The following DNAH1 variants were observed in gnomAD, a reference collection of about 807,000 sequenced individuals.
DNAH1 encodes dynein axonemal heavy chain 1.
A neutral mutation model predicts 484.3 loss-of-function variants in DNAH1; 327 were observed. The ratio of observed to expected loss-of-function variants is 0.68; its 90% CI spans 0.62 to 0.74. The LOEUF (loss-of-function observed/expected upper bound fraction) is 0.74, where lower values mean the gene tolerates loss of function less well. Ranked by LOEUF, DNAH1 falls within the 30% of genes least tolerant of loss-of-function variation. DNAH1 has a pLI of 0.00. For missense variants in DNAH1, 5,052 were observed against 5,546.8 expected (o/e 0.91, Z 2.83); for synonymous variants, 2,192 against 2,191.9 (o/e 1.00, Z 0.00).
Position 52,358,111 on chromosome 3 carries a change from C to A in DNAH1, c.4086+108C>A. The A allele has an allele frequency of 1.1e-6, 1 of 886,520 alleles. No individual in the cohort carries two copies. The allele number at this position is 886,520 out of a possible 1,614,324, so 54.9% of individuals were successfully genotyped here. A position where few individuals can be genotyped will look rare whatever the true frequency, so the allele number is the denominator to read the frequency against. Reference sequence around the variant, plus strand: ...TTTTAGCAGGAAATGTGGCAAATGACATTCCTGGTCTTTGGAGACACACCT... The same window carrying A: ...TTTTAGCAGGAAATGTGGCAAATGAAATTCCTGGTCTTTGGAGACACACCT... On this transcript the variant is annotated intron_variant, in intron 24 of 77. Coordinates refer to ENST00000420323, the MANE Select transcript of DNAH1 (RefSeq NM_015512.5). This position sits in a 1 kb window ranked among gnomAD's most constrained non-coding sequence, Gnocchi z 4.2.
chr3:52,364,812 C>A lies in DNAH1; in HGVS notation c.5332-21C>A. 6.2e-7 allele frequency: 1 copy of A among 1,610,290 alleles called. No homozygotes were observed. Among genetic ancestry groups the A allele is most frequent in the Non-Finnish European group, 8.5e-7 (1 of 1,177,256 alleles). ...GGCAGCTGGCCCACTGCCCTGAAGGCTCAGCCGGCACCTGCTGCAGGAGCT... is the reference window on the plus strand; with the variant it reads ...GGCAGCTGGCCCACTGCCCTGAAGGATCAGCCGGCACCTGCTGCAGGAGCT... On this transcript the variant is annotated intron_variant, in intron 33 of 77. Transcript: ENST00000420323. The surrounding 1 kb of genome is among the most constrained non-coding windows in gnomAD (Gnocchi z 4.2).
chr3:52,392,562 G>A lies in DNAH1; in HGVS notation c.10151G>A (p.Arg3384His), dbSNP rs781434212. Residue 3384 changes from arginine (R) to histidine (H), a missense_variant, in exon 64 of 78, where the codon CGC becomes CAC. Physicochemically the swap from Arg to His is conservative, Grantham distance 29 (BLOSUM62 0). Coordinates refer to ENST00000420323, the MANE Select transcript of DNAH1 (RefSeq NM_015512.5). Reference sequence around the variant, plus strand: ...CTGATTATCAGTAATGCCAAGATGCGCCAGGAGCTGAAGGACATTGAGGAC... The same window carrying A: ...CTGATTATCAGTAATGCCAAGATGCACCAGGAGCTGAAGGACATTGAGGAC... Reference protein sequence around the residue: ...NQLIISNAKMRQELKDIEDQI... With the variant: ...NQLIISNAKMHQELKDIEDQI... 1.3e-5 allele frequency: 21 copies of A among 1,613,842 alleles called. No homozygotes were observed. The Middle Eastern group carries it at 4.9e-4, about 38-fold the overall frequency.
At chr3:52,385,893 C>T (rs1394109225) in intron 54 of DNAH1, among the ~76,000 whole-genome samples, 2 of 152,246 alleles carry the variant, frequency 1.3e-5, no homozygotes, top group Admixed American at 6.5e-5. Context: ...GGGTCTTTCT[C>T]TGTCTTGCAT....
chr3:52,398,209 T>C (rs758547418), intron 75 of DNAH1, 47 bp downstream of exon 75: 4 of 1,557,418 alleles, frequency 2.6e-6, no homozygotes, highest in Non-Finnish European at 3.5e-6. Context: ...GCCACTGGAC[T>C]GTAGAGAAAT....
intron 8 of DNAH1, among the ~76,000 whole-genome samples, chr3:52,343,714 G>C (rs1702031900): frequency 6.6e-6 from 1 of 152,172 alleles, no homozygotes; most frequent in Non-Finnish European, 1.5e-5. Context: ...TGGCAGAGGT[G>C]GGAGGGAGGG....
rs928053722 is a variant in DNAH1 at position 52,379,877 on chromosome 3, A to T, written c.7378-28A>T. The T allele has an allele frequency of 1.9e-6, 3 of 1,539,528 alleles. No individual in the cohort carries two copies. In the African/African-American group the frequency reaches 4.1e-5, roughly 21 times the overall value. ...ATAGCTGAGGGCTTGGGGGCCAAGG[A>T]CAGGCACCGATGCTGGGGCTACTGC... is the stretch of plus-strand genomic sequence containing the variant. On this transcript the variant is annotated intron_variant, in intron 47 of 77. Coordinates refer to ENST00000420323, the MANE Select transcript of DNAH1 (RefSeq NM_015512.5). The surrounding 1 kb of genome is among the most constrained non-coding windows in gnomAD (Gnocchi z 4.4).
At position 52,388,317 on chromosome 3, in the gene DNAH1, G is replaced by A; in HGVS notation, c.9154G>A (p.Ala3052Thr). Reference sequence around the variant, plus strand: ...GCACAAGTACCACTTTGTGGCCAAGGCCGTGGAGCCCAAGCGGGTGAGGGC... The same window carrying A: ...GCACAAGTACCACTTTGTGGCCAAGACCGTGGAGCCCAAGCGGGTGAGGGC... ...AMHKYHFVAK[A>T]VEPKRQALLE... The change falls in exon 57 of 78, where the codon GCC (alanine) becomes ACC (threonine). Residue 3052 changes from alanine (A) to threonine (T), a missense_variant. Around this residue, in one of 4 missense-constraint regions of DNAH1, gnomAD observed 2,929 missense variants for 3,409.4 expected, o/e 0.86. Coordinates refer to ENST00000420323, the MANE Select transcript of DNAH1 (RefSeq NM_015512.5). The A allele has an allele frequency of 6.2e-7, 1 of 1,602,406 alleles. No individual in the cohort carries two copies. Among genetic ancestry groups the A allele is most frequent in the South Asian group, 1.1e-5 (1 of 89,004 alleles).
At chr3:52,376,067 G>T (rs1703586359) in intron 46 of DNAH1, 74 bp downstream of exon 46, 1 of 1,561,282 alleles carries the variant, frequency 6.4e-7, no homozygotes, top group Non-Finnish European at 8.7e-7. Flanking sequence ...GTGTGTTGAG[G>T]CTGCGACCAG....
Position 52,349,413 on chromosome 3 carries a change from TG to T in DNAH1, c.2521del (p.Asp841IlefsTer31). 1 of 1,613,534 alleles carries T rather than the reference TG, an allele frequency of 6.2e-7. No homozygotes were observed. The highest frequency in any genetic ancestry group is 8.5e-7 in the Non-Finnish European group (1 of 1,179,824). On this transcript the variant is annotated frameshift_variant, in exon 14 of 78. Coordinates refer to ENST00000420323, the MANE Select transcript of DNAH1 (RefSeq NM_015512.5). LOFTEE classifies it high-confidence loss of function. Reference protein sequence around the residue: ...DILAKNLHKEVDSICEEFRSI... With the variant: ...DILAKNLHKEXDSICEEFRSI... ...CTTGCCAAGAACCTGCATAAGGAGGTGGATAGCGTAAGTGCCCACCTGCCCC... is the reference window on the plus strand; with the variant it reads ...CTTGCCAAGAACCTGCATAAGGAGGTGATAGCGTAAGTGCCCACCTGCCCC...
chr3:52,366,365 T>C, intron 34 of DNAH1, 92 bp from the exon 35 acceptor site: 1 of 964,088 alleles, frequency 1.0e-6, no homozygotes, highest in Non-Finnish European at 1.6e-6. Flanking sequence ...GCTCAGGGAG[T>C]GCAGTGACTC....
rs927434677 is a variant in DNAH1, at chr3:52,357,500, C to T, written c.3859-114C>T. The T allele has an allele frequency of 1.3e-5, 18 of 1,377,260 alleles. No individual in the cohort carries two copies. In the African/African-American group the frequency reaches 2.5e-4, roughly 19 times the overall value. 85.3% of individuals were successfully genotyped at this position (1,377,260 alleles called of 1,614,324 possible). On this transcript the variant is annotated intron_variant, in intron 22 of 77. Transcript: ENST00000420323. ...CTCAGGGAGAATTTTTCTGCATCTT[C>T]TTTCCCAGGCCCCGCTGAGGGGCTC...
chr3:52,389,617 C>T (rs2153225485), intron 60 of DNAH1, 31 bp downstream of exon 60: 1 of 1,405,966 alleles, frequency 7.1e-7, no homozygotes, highest in Non-Finnish European at 9.3e-7. Flanking sequence ...AGTGCCCAGG[C>T]AGGGCCTGTG....
chr3:52,373,390 C>T (rs911941473), intron 44 of DNAH1, among the ~76,000 whole-genome samples: 2 of 152,170 alleles, frequency 1.3e-5, no homozygotes, highest in South Asian at 2.1e-4. Flanking sequence ...GCGGCCCGCT[C>T]CAGCCATGCC....
In DNAH1 at chr3:52,344,516, C is replaced by G. The variant is rs377236847; in HGVS notation, c.1313C>G (p.Ala438Gly). 18 of 1,613,844 alleles carry G rather than the reference C, an allele frequency of 1.1e-5. No homozygotes were observed. Among genetic ancestry groups the G allele is most frequent in the Non-Finnish European group, 1.7e-6 (2 of 1,179,852 alleles). ...GTTCTAGAGCACCTCAGCAGTCTTG[C>G]CAGAGAAGTGAGCCTGGACTATGAG... ...PSVLEHLSSL[A>G]REVSLDYERS... Residue 438 changes from alanine to glycine, a missense_variant, in exon 9 of 78, where the codon GCC (alanine) becomes GGC (glycine). Around this residue, in one of 4 missense-constraint regions of DNAH1, gnomAD observed 1,263 missense variants for 1,218.8 expected, o/e 1.04. Transcript: ENST00000420323.
Position 52,384,985 on chromosome 3 carries a change from C to T in DNAH1, c.8514+8C>T. 6.2e-7 allele frequency: 1 copy of T among 1,609,132 alleles called. No homozygotes were observed. Among genetic ancestry groups the T allele is most frequent in the Non-Finnish European group, 8.5e-7 (1 of 1,177,582 alleles). On this transcript the variant is annotated splice_region_variant and intron_variant, in intron 53 of 77. Coordinates refer to ENST00000420323, the MANE Select transcript of DNAH1 (RefSeq NM_015512.5). ...AAGAGCGGCCTCGACAAGGTGGGCCCAGGCGAGTCCCCGTGGACAAGGTCA... is the reference window on the plus strand; with the variant it reads ...AAGAGCGGCCTCGACAAGGTGGGCCTAGGCGAGTCCCCGTGGACAAGGTCA...
At chr3:52,317,664 C>T (rs1700996079) in intron 1 of DNAH1, among the ~76,000 whole-genome samples, 1 of 152,206 alleles carries the variant, frequency 6.6e-6, no homozygotes, top group South Asian at 2.1e-4. Flanking sequence ...AGAAGAGTGA[C>T]GCTCCCTGGT....
rs756442178 is a variant in DNAH1 at position 52,360,063 on chromosome 3, T to C, written c.4555T>C (p.Trp1519Arg). ...ENVVSVNDFQ[W>R]ISQLRYYWTN... The stretch of plus-strand genomic sequence containing the variant: ...CGTGGTCAGCGTGAATGACTTCCAG[T>C]GGATCTCACAGCTGAGGTGAGGACA... The change falls in exon 27 of 78, where the codon TGG (tryptophan) becomes CGG (arginine). Residue 1519 changes from tryptophan (W) to arginine (R), a missense_variant. This residue lies in a region of DNAH1 where 2,929 missense variants were observed against 3,409.4 expected (regional missense o/e 0.86). Transcript: ENST00000420323. 1.2e-6 allele frequency: 2 copies of C among 1,613,822 alleles called. No homozygotes were observed. Among genetic ancestry groups the C allele is most frequent in the African/African-American group, 1.3e-5 (1 of 75,056 alleles).
intron 17 of DNAH1, 57 bp downstream of exon 17, chr3:52,352,160 G>A: frequency 1.3e-6 from 2 of 1,539,840 alleles, no homozygotes; most frequent in Admixed American, 2.0e-5. Context: ...CGCACGCACA[G>A]TTCTCCAGGG....
Position 52,396,377 on chromosome 3 carries a change from G to T in DNAH1, c.11269G>T (p.Asp3757Tyr). Residue 3757 changes from aspartate to tyrosine, a missense_variant, in exon 71 of 78, where the codon GAC (aspartate) becomes TAC (tyrosine). Around this residue, in one of 4 missense-constraint regions of DNAH1, gnomAD observed 853 missense variants for 899.0 expected, o/e 0.95. Coordinates refer to ENST00000420323, the MANE Select transcript of DNAH1 (RefSeq NM_015512.5). ...EHINPDKVHRDFRLWLTSLPS... is the reference protein window; with the variant it reads ...EHINPDKVHRYFRLWLTSLPS... ...GAGCCATGGCCACCAGGTACACAGGGACTTCCGCCTCTGGCTCACCAGCCT... is the reference window on the plus strand; with the variant it reads ...GAGCCATGGCCACCAGGTACACAGGTACTTCCGCCTCTGGCTCACCAGCCT... 6.3e-7 allele frequency: 1 copy of T among 1,576,146 alleles called. No individual in the cohort carries two copies.
Sources: allele counts gnomAD v4.1 joint callset (sites outside exome capture counted in the v4.1 genomes callset), GRCh38; gene constraint gnomAD v4.1.1; regional missense constraint gnomAD v4.1.1; non-coding constraint Gnocchi (gnomAD v3.1); transcripts MANE v1.5; gene names NCBI Gene and HGNC (gene_info 2026-07-23, HGNC 2026-07-21).